The following SPINK5 variants were observed in gnomAD, a reference collection of about 807,000 sequenced individuals.
SPINK5 encodes serine protease inhibitor Kazal-type 5.
Under a neutral mutation model 151.8 loss-of-function variants are expected in SPINK5, and 125 were observed. That is an observed-to-expected ratio of 0.82 (90% CI 0.71 to 0.96). The LOEUF (loss-of-function observed/expected upper bound fraction) is 0.96, where lower values mean the gene tolerates loss of function less well. SPINK5 is among the 40% of genes least tolerant of loss of function. The pLI is 0.00. For missense variants in SPINK5, 1,194 were observed against 1,291.9 expected (o/e 0.92, Z 1.16); for synonymous variants, 374 against 395.3 (o/e 0.95, Z 0.64).
intron 29 of SPINK5, among the ~76,000 whole-genome samples, chr5:148,126,745 C>T (rs938081106): frequency 6.6e-6 from 1 of 152,076 alleles, no homozygotes; most frequent in Non-Finnish European, 1.5e-5. Flanking sequence ...GTGTGCACCA[C>T]CATGCCCAGC....
intron 31 of SPINK5, 108 bp from the exon 32 acceptor site, chr5:148,133,689 A>C: frequency 2.0e-6 from 2 of 1,002,016 alleles, no homozygotes; most frequent in South Asian, 2.7e-5. Flanking sequence ...CCTCCCTCTA[A>C]ATACAGTTTG....
intron 29 of SPINK5, 146 bp downstream of exon 29, chr5:148,125,996 C>A: frequency 8.0e-7 from 1 of 1,246,118 alleles, no homozygotes; most frequent in Non-Finnish European, 1.2e-6. Context: ...TTGAGAACAC[C>A]TGATATAGTA....
chr5:148,096,528 G>A (rs1753465775), intron 10 of SPINK5, among the ~76,000 whole-genome samples: 1 of 151,900 alleles, frequency 6.6e-6, no homozygotes, highest in Admixed American at 6.6e-5. Context: ...CCACGAGTCA[G>A]CGATGCTATA....
chr5:148,104,414 A>C (rs1753726264), intron 15 of SPINK5, among the ~76,000 whole-genome samples: 1 of 152,218 alleles, frequency 6.6e-6, no homozygotes, highest in Non-Finnish European at 1.5e-5. Context: ...CTGGGAAGTT[A>C]AACAGGTTTA....
intron 2 of SPINK5, among the ~76,000 whole-genome samples, chr5:148,068,062 A>G (rs1465283893): frequency 6.6e-6 from 1 of 152,122 alleles, no homozygotes; most frequent in Non-Finnish European, 1.5e-5. Flanking sequence ...TGATTCTACT[A>G]TATGGATTTT....
At chr5:148,077,068 C>T (rs1752900848) in intron 4 of SPINK5, among the ~76,000 whole-genome samples, 1 of 150,890 alleles carries the variant, frequency 6.6e-6, no homozygotes, top group Non-Finnish European at 1.5e-5. Flanking sequence ...GAAACAATGG[C>T]CTAAGATGCC....
chr5:148,088,713 C>G, intron 6 of SPINK5, 108 bp downstream of exon 6: 1 of 1,143,258 alleles, frequency 8.7e-7, no homozygotes, highest in East Asian at 2.5e-5. Flanking sequence ...GGAATTAATT[C>G]TTGCTTTATG....
chr5:148,114,607 T>C, intron 21 of SPINK5, 118 bp downstream of exon 21: 1 of 1,436,644 alleles, frequency 7.0e-7, no homozygotes, highest in African/African-American at 1.4e-5. Context: ...CAGAAGGTTA[T>C]CTGTAAAGCA....
chr5:148,136,052 A>T (rs774919905), intron 32 of SPINK5, among the ~76,000 whole-genome samples: 7 of 152,110 alleles, frequency 4.6e-5, no homozygotes, highest in Admixed American at 6.6e-5. Flanking sequence ...GTCACTTATT[A>T]AAGTCCCTTA....
At chr5:148,136,842 A>G (rs1754705635) in intron 32 of SPINK5, 141 bp from the exon 33 acceptor site, 3 of 1,108,880 alleles carry the variant, frequency 2.7e-6, no homozygotes, top group Non-Finnish European at 4.1e-6. Flanking sequence ...ATAAAATGTG[A>G]AAGTGATTTT....
chr5:148,121,662 A>G (rs923820435), intron 26 of SPINK5, among the ~76,000 whole-genome samples: 22 of 34,892 alleles, frequency 6.3e-4, no homozygotes, highest in African/African-American at 1.2e-3. Context: ...AAAAAAAAAT[A>G]AAGAAAATAT....
At chr5:148,113,712 C>T (rs1400997503) in intron 20 of SPINK5, among the ~76,000 whole-genome samples, 1 of 149,600 alleles carries the variant, frequency 6.7e-6, no homozygotes, top group Non-Finnish European at 1.5e-5. Context: ...GGCTTGTTTA[C>T]AGTTGTATTG....
rs375796789 is a variant in SPINK5, at chr5:148,101,821, G to A, written c.1343G>A (p.Arg448Gln). Residue 448 changes from arginine to glutamine, a missense_variant, in exon 15 of 33, where the codon CGG becomes CAG. By Grantham distance (43) the Arg-to-Gln change is conservative. Transcript: ENST00000256084. ...TACCGCAAATCCAGGAAAAACGGAC[G>A]GCTTTTTTGCACCAGAGAGAATGAC... ...SEYRKSRKNG[R>Q]LFCTRENDPI... is the part of the protein sequence containing the mutation. 35 of 1,613,638 alleles carry A rather than the reference G, an allele frequency of 2.2e-5. No individual in the cohort carries two copies. The highest frequency in any genetic ancestry group is 2.7e-5 in the Non-Finnish European group (32 of 1,179,790).
Position 148,119,018 on chromosome 5 carries a change from C to T in SPINK5, c.2273C>T (p.Ser758Phe). 6.2e-7 allele frequency: 1 copy of T among 1,614,028 alleles called. No individual in the cohort carries two copies. The highest frequency in any genetic ancestry group is 8.5e-7 in the Non-Finnish European group (1 of 1,179,962). ...GAAGCAGAGAGAAAAAATGAGTATT[C>T]TCGCTCCAGATCAAATGGGACTGGA... ...EREAERKNEY[S>F]RSRSNGTGSE... Residue 758 changes from serine to phenylalanine, a missense_variant, in exon 24 of 33, where the codon TCT becomes TTT. By Grantham distance (155) the Ser-to-Phe change is radical. Transcript: ENST00000256084.
intron 30 of SPINK5, among the ~76,000 whole-genome samples, chr5:148,128,888 A>G (rs1253576221): frequency 3.9e-5 from 6 of 152,214 alleles, no homozygotes; most frequent in Non-Finnish European, 5.9e-5. Context: ...TCACTACATG[A>G]AGTTCATAGT....
intron 29 of SPINK5, 81 bp from the exon 30 acceptor site, chr5:148,126,902 T>G: frequency 1.6e-6 from 2 of 1,246,782 alleles, no homozygotes; most frequent in East Asian, 2.6e-5. Flanking sequence ...TCTGTCACAT[T>G]TTATGAGGAT....
At chr5:148,071,965 G>A (rs1318910212) in intron 3 of SPINK5, among the ~76,000 whole-genome samples, 183 bp from the exon 4 acceptor site, 5 of 152,016 alleles carry the variant, frequency 3.3e-5, no homozygotes, top group African/African-American at 1.2e-4. Flanking sequence ...TACCATGTTC[G>A]AGATATTTTT....
chr5:148,112,169 C>A (rs1753952207), intron 19 of SPINK5, among the ~76,000 whole-genome samples: 1 of 152,294 alleles, frequency 6.6e-6, no homozygotes. Flanking sequence ...AGGATTAGGA[C>A]TTCTGTTCTC....
intron 8 of SPINK5, among the ~76,000 whole-genome samples, chr5:148,092,247 A>G (rs1753331278): frequency 6.6e-6 from 1 of 151,938 alleles, no homozygotes; most frequent in Non-Finnish European, 1.5e-5. Flanking sequence ...CTAGCCCTTC[A>G]GTTCGTAATG....
Sources: gnomAD v4.1 joint callset for allele counts (sites outside exome capture counted in the v4.1 genomes callset) on GRCh38, gnomAD v4.1.1 for gene constraint, MANE v1.5 for transcripts, NCBI Gene and HGNC (gene_info 2026-07-23, HGNC 2026-07-21) for gene names.